The following SAMD5 variants were observed in gnomAD, a reference collection of about 807,000 sequenced individuals.
The protein encoded by SAMD5 is sterile alpha motif domain-containing protein 5.
Under a neutral mutation model 11.3 loss-of-function variants are expected in SAMD5, and 13 were observed. The ratio of observed to expected loss-of-function variants is 1.15; its 90% CI spans 0.75 to 1.83. The LOEUF is 1.83. Among genes scored for constraint, SAMD5 ranks in the 40% most tolerant of loss-of-function variants. The pLI, the probability that SAMD5 is intolerant of heterozygous loss-of-function variation, is 0.00. For synonymous variants in SAMD5, 129 were observed against 111.3 expected (o/e 1.16, Z -1.00); for missense variants, 255 against 239.1 (o/e 1.07, Z -0.44).
chr6:147,771,600 T>C, the SAMD5 span, among the ~76,000 whole-genome samples: 16 of 152,308 alleles, frequency 1.1e-4, no homozygotes, highest in East Asian at 2.9e-3. Context: ...GTCAGTATTA[T>C]GCATTGTCTT....
intron 1 of SAMD5, among the ~76,000 whole-genome samples, chr6:147,708,825 T>C (rs1791359305): frequency 6.6e-6 from 1 of 152,196 alleles, no homozygotes; most frequent in African/African-American, 2.4e-5. Flanking sequence ...TTTTGAACCA[T>C]AGGGTTCAGA....
chr6:147,939,475 C>G, the SAMD5 span, among the ~76,000 whole-genome samples: 1 of 152,116 alleles, frequency 6.6e-6, no homozygotes, highest in African/African-American at 2.4e-5. Flanking sequence ...CCAAGAGTTG[C>G]GTCTTTAAAA....
At chr6:147,940,962 C>CA in the SAMD5 span, among the ~76,000 whole-genome samples, 671 of 146,350 alleles carry the variant, frequency 4.6e-3, 5 homozygotes, top group African/African-American at 0.015. Context: ...ACTTCATCTC[C>CA]AAAAAAAAAA....
chr6:147,817,879 A>G, the SAMD5 span, among the ~76,000 whole-genome samples: 1 of 152,198 alleles, frequency 6.6e-6, no homozygotes, highest in Non-Finnish European at 1.5e-5. Flanking sequence ...TACTCATCTG[A>G]ATGGCCAGTT....
In SAMD5 at chr6:147,735,655, A is replaced by AT. The variant is rs10710756; in HGVS notation, c.163-1650dup. 1.0e-3 allele frequency among the ~76,000 whole-genome samples: 152 copies of AT among 147,714 alleles called. 1 individual carries two copies. The highest frequency in any genetic ancestry group is 5.8e-3 in the East Asian group (29 of 5,018). On this transcript the variant is annotated intron_variant, in intron 1 of 1. Transcript: ENST00000566741. The stretch of plus-strand genomic sequence containing the variant: ...CAGAGATCGTATCATCTATTTTACT[A>AT]TTTTTTTTTTTTACATCAGTCTATT...
At chr6:147,782,878 C>T in the SAMD5 span, among the ~76,000 whole-genome samples, 78 of 152,242 alleles carry the variant, frequency 5.1e-4, 2 homozygotes, top group South Asian at 2.1e-4. Flanking sequence ...CATTGTATTT[C>T]GGCATTTCTG....
At chr6:147,616,719 G>A (rs1245654133) in intron 1 of SAMD5, among the ~76,000 whole-genome samples, 1 of 152,220 alleles carries the variant, frequency 6.6e-6, no homozygotes, top group African/African-American at 2.4e-5. Flanking sequence ...ACGCATGGCT[G>A]TGGAAGCCTC....
chr6:147,640,326 CAA>C (rs752696622), intron 1 of SAMD5, among the ~76,000 whole-genome samples: 2 of 121,682 alleles, frequency 1.6e-5, no homozygotes, highest in Non-Finnish European at 1.7e-5. Flanking sequence ...GACTTCATCT[CAA>C]AAAAAAAAAG....
At chr6:147,714,988 G>A (rs1330155369) in intron 1 of SAMD5, among the ~76,000 whole-genome samples, 1 of 152,160 alleles carries the variant, frequency 6.6e-6, no homozygotes, top group Non-Finnish European at 1.5e-5. Flanking sequence ...TGTTCATAGG[G>A]AAAATATGGG....
chr6:147,509,205 G>A lies in SAMD5; in HGVS notation c.277G>A (p.Gly93Ser). 1 of 1,299,944 alleles carries A rather than the reference G, an allele frequency of 7.7e-7. No individual in the cohort carries two copies. The highest frequency in any genetic ancestry group is 9.8e-7 in the Non-Finnish European group (1 of 1,025,336). 80.5% of individuals were successfully genotyped at this position (1,299,944 alleles called of 1,614,324 possible). ...PGPPADAVPT[G>S]RRGEPCGGPA... is the part of the protein sequence containing the mutation. ...GCCGCCCGCCGACGCCGTCCCCACC[G>A]GCCGCCGGGGGGAGCCGTGCGGCGG... The change falls in exon 1 of 2, where the codon GGC becomes AGC. Residue 93 changes from glycine (G) to serine (S), a missense_variant. Coordinates refer to ENST00000367474, the MANE Select transcript of SAMD5 (RefSeq NM_001030060.3).
chr6:147,647,632 T>C (rs1449977091), intron 1 of SAMD5, among the ~76,000 whole-genome samples: 2 of 152,150 alleles, frequency 1.3e-5, no homozygotes, highest in Non-Finnish European at 2.9e-5. Context: ...GTAGGGTGTG[T>C]ATTAAGAAGC....
chr6:147,636,185 T>C (rs1460195795), intron 1 of SAMD5, among the ~76,000 whole-genome samples: 3 of 152,156 alleles, frequency 2.0e-5, no homozygotes, highest in Admixed American at 6.5e-5. Context: ...GTAAGTGCCC[T>C]AGCAGGCCAC....
At chr6:147,936,327 A>G in the SAMD5 span, among the ~76,000 whole-genome samples, 1 of 152,020 alleles carries the variant, frequency 6.6e-6, no homozygotes, top group Non-Finnish European at 1.5e-5. Flanking sequence ...TGCAGGTTGT[A>G]CAGGAAGCAT....
intron 1 of SAMD5, among the ~76,000 whole-genome samples, chr6:147,655,522 G>T (rs1008365955): frequency 6.6e-6 from 1 of 152,032 alleles, no homozygotes; most frequent in African/African-American, 2.4e-5. Flanking sequence ...AAACAAATCT[G>T]TACACAGAGA....
At chr6:147,787,544 A>G in the SAMD5 span, among the ~76,000 whole-genome samples, 1 of 152,150 alleles carries the variant, frequency 6.6e-6, no homozygotes, top group African/African-American at 2.4e-5. Context: ...GGATGCCACA[A>G]TTGGACTCAG....
the SAMD5 span, among the ~76,000 whole-genome samples, chr6:147,772,256 C>A: frequency 6.6e-6 from 1 of 152,062 alleles, no homozygotes; most frequent in African/African-American, 2.4e-5. Context: ...TAGTCTACAT[C>A]AAATGAAACA....
At chr6:147,538,033 TTTAA>T (rs1346267256) in intron 1 of SAMD5, among the ~76,000 whole-genome samples, 1 of 152,190 alleles carries the variant, frequency 6.6e-6, no homozygotes, top group African/African-American at 2.4e-5. Flanking sequence ...TCTGTTCAGT[TTTAA>T]TTAATTTGAC....
intron 1 of SAMD5, among the ~76,000 whole-genome samples, chr6:147,704,248 A>T (rs573857122): frequency 1.3e-5 from 2 of 152,272 alleles, no homozygotes; most frequent in South Asian, 4.2e-4. Flanking sequence ...TTACAAGAGG[A>T]ATCATAAGAT....
the SAMD5 span, among the ~76,000 whole-genome samples, chr6:147,821,886 G>C: frequency 6.6e-6 from 1 of 151,988 alleles, no homozygotes; most frequent in Non-Finnish European, 1.5e-5. Context: ...AGTCTGTTCA[G>C]GTATTTTATA....
Sources: gnomAD v4.1 joint callset for allele counts (sites outside exome capture counted in the v4.1 genomes callset) on GRCh38, gnomAD v4.1.1 for gene constraint, MANE v1.5 for transcripts, NCBI Gene and HGNC (gene_info 2026-07-23, HGNC 2026-07-21) for gene names.